NEB: variants seen among roughly 807,000 people sequenced by gnomAD.
NEB encodes the protein nebulin.
NEB carries 512 observed loss-of-function variants against 952.2 expected under a neutral mutation model. That is an observed-to-expected ratio of 0.54 (90% CI 0.50 to 0.58). NEB has a LOEUF of 0.58. NEB is among the 20% of genes least tolerant of loss of function. The probability of loss-of-function intolerance (pLI) is 0.00; values close to 1 mark genes in which losing one functional copy is unlikely to be tolerated. For missense variants in NEB, 8,428 were observed against 9,231.1 expected (o/e 0.91, Z 3.56); for synonymous variants, 2,900 against 3,149.8 (o/e 0.92, Z 2.66).
At chr2:151,653,886 G>T in intron 52 of NEB, 106 bp downstream of exon 52, 1 of 660,720 alleles carries the variant, frequency 1.5e-6, no homozygotes, top group Non-Finnish European at 2.6e-6. Context: ...AATGAAGGAA[G>T]CATTATATTT....
At chr2:151,652,950 T>C (rs1434055972) in intron 52 of NEB, among the ~76,000 whole-genome samples, 3 of 152,226 alleles carry the variant, frequency 2.0e-5, no homozygotes, top group Non-Finnish European at 1.5e-5. Context: ...CCTCATTGAT[T>C]TATTTTAATA....
intron 113 of NEB, 103 bp from the exon 114 acceptor site, chr2:151,567,582 C>T: frequency 1.8e-6 from 2 of 1,129,032 alleles, no homozygotes; most frequent in South Asian, 4.0e-5. Context: ...AGCCCCCCAG[C>T]TTTTTGTTTG....
intron 121 of NEB, among the ~76,000 whole-genome samples, chr2:151,561,572 C>CTT (rs376827489): frequency 1.9e-4 from 25 of 133,718 alleles, no homozygotes; most frequent in African/African-American, 5.0e-4. Flanking sequence ...CAGCCCCTCA[C>CTT]TTTTTTTTTT....
At chr2:151,659,986 G>A (rs1434578601) in intron 46 of NEB, among the ~76,000 whole-genome samples, 1 of 152,138 alleles carries the variant, frequency 6.6e-6, no homozygotes, top group Admixed American at 6.5e-5. Flanking sequence ...CCTTGTGGTG[G>A]ACATGGAGAT....
rs772584927 is a variant in NEB at position 151,502,805 on chromosome 2, C to G, written c.23916G>C (p.Glu7972Asp). Residue 7972 changes from glutamate (E) to aspartate (D), a missense_variant, in exon 167 of 182, where the codon GAG becomes GAC. Glu to Asp is a conservative substitution (Grantham distance 45, BLOSUM62 2). Transcript: ENST00000397345. ...PEMERVKRNQ[E>D]NFSSILYKEN... The stretch of plus-strand genomic sequence containing the variant: ...CCCTAAGAAATACCGAGCTAAAGTT[C>G]TCTTGATTGCGTTTGACTCTCTCCA... 2.5e-6 allele frequency: 4 copies of G among 1,590,198 alleles called. No homozygotes were observed. The East Asian group carries it at 6.8e-5, about 27-fold the overall frequency.
chr2:151,552,908 G>A, intron 127 of NEB, 132 bp from the exon 128 acceptor site: 2 of 624,156 alleles, frequency 3.2e-6, no homozygotes, highest in South Asian at 2.0e-5. Context: ...AGACCGAGAT[G>A]CATTTGAATT....
chr2:151,705,576 A>G (rs2099702337), intron 13 of NEB, among the ~76,000 whole-genome samples: 1 of 152,224 alleles, frequency 6.6e-6, no homozygotes, highest in South Asian at 2.1e-4. Context: ...ATCACTGAGT[A>G]TCTACCCAAA....
intron 161 of NEB, among the ~76,000 whole-genome samples, chr2:151,509,242 C>T (rs1350381743): frequency 3.3e-5 from 5 of 152,114 alleles, no homozygotes; most frequent in Non-Finnish European, 1.5e-5. Flanking sequence ...CCAGATTTTT[C>T]GGAAGAAACG....
chr2:151,662,726 T>C (rs554404343), intron 45 of NEB, among the ~76,000 whole-genome samples: 43 of 152,312 alleles, frequency 2.8e-4, no homozygotes, highest in African/African-American at 1.0e-3. Flanking sequence ...TCCCCTTGGT[T>C]AACAGATGAC....
intron 30 of NEB, among the ~76,000 whole-genome samples, chr2:151,680,411 C>T (rs1023203868): frequency 2.0e-4 from 30 of 151,534 alleles, no homozygotes; most frequent in African/African-American, 7.0e-4. Context: ...TATAACTGCT[C>T]CCCATTTGAT....
chr2:151,660,495 GATATTGCATGTAACACAGCTATTTA>G (rs1197897507), intron 46 of NEB, among the ~76,000 whole-genome samples: 1 of 152,146 alleles, frequency 6.6e-6, no homozygotes, highest in African/African-American at 2.4e-5. Context: ...CTCCCTTACA[GATATTGCATGTAACACAGCTATTTA>G]ATATTTGCAA....
At chr2:151,546,218 G>T in intron 134 of NEB, 127 bp downstream of exon 134, 1 of 766,782 alleles carries the variant, frequency 1.3e-6, no homozygotes, top group Non-Finnish European at 2.1e-6. Context: ...GCTCAAGTGA[G>T]TTAATGATAA....
chr2:151,628,383 T>C (rs1183142464), intron 68 of NEB, among the ~76,000 whole-genome samples: 2 of 152,172 alleles, frequency 1.3e-5, no homozygotes, highest in Non-Finnish European at 2.9e-5. Flanking sequence ...CCTGCTCTGT[T>C]GGAGATCAAA....
At chr2:151,500,656 G>T (rs1351548232) in intron 168 of NEB, among the ~76,000 whole-genome samples, 4 of 148,764 alleles carry the variant, frequency 2.7e-5, no homozygotes, top group African/African-American at 9.9e-5. Flanking sequence ...GAGTACAGTG[G>T]CACAATCACG....
chr2:151,716,938 T>C (rs1363003320), intron 10 of NEB, among the ~76,000 whole-genome samples: 1 of 152,264 alleles, frequency 6.6e-6, no homozygotes, highest in Non-Finnish European at 1.5e-5. Flanking sequence ...ATAGGTAGAC[T>C]AAGCTGTTTG....
rs760157245 is a variant in NEB at position 151,678,160 on chromosome 2, C to T, written c.3283G>A (p.Ala1095Thr). 1 of 1,610,138 alleles carries T rather than the reference C, an allele frequency of 6.2e-7. No individual in the cohort carries two copies. Among genetic ancestry groups the T allele is most frequent in the Non-Finnish European group, 8.5e-7 (1 of 1,177,956 alleles). ...TGGAAGCCAACCATTTTCCCTTTAG[C>T]CTTTTCATAGTCTTTTTTGTACTGA... is the stretch of plus-strand genomic sequence containing the variant. ...DVQYKKDYEK[A>T]KGKMVGFQSL... Residue 1095 changes from alanine to threonine, a missense_variant, in exon 33 of 182, where the codon GCT becomes ACT. Coordinates refer to ENST00000397345, the MANE Select transcript of NEB (RefSeq NM_001164508.2).
intron 124 of NEB, among the ~76,000 whole-genome samples, chr2:151,555,695 G>A (rs540029025): frequency 6.6e-6 from 1 of 152,168 alleles, no homozygotes; most frequent in South Asian, 2.1e-4. Context: ...TCAGCGATTT[G>A]CACCTCTGTA....
At chr2:151,710,013 T>C (rs563381877) in intron 11 of NEB, among the ~76,000 whole-genome samples, 56 of 152,162 alleles carry the variant, frequency 3.7e-4, no homozygotes, top group Non-Finnish European at 5.1e-4. Flanking sequence ...AAAGATCTCT[T>C]AAGGGCCAGG....
chr2:151,629,294 T>C (rs991075236), intron 68 of NEB, among the ~76,000 whole-genome samples: 6 of 152,186 alleles, frequency 3.9e-5, no homozygotes, highest in African/African-American at 1.4e-4. Context: ...TAGAATCACA[T>C]CCAATTTTAT....
Sources: gnomAD v4.1 joint callset for allele counts (sites outside exome capture counted in the v4.1 genomes callset) on GRCh38, gnomAD v4.1.1 for gene constraint, MANE v1.5 for transcripts, NCBI Gene and HGNC (gene_info 2026-07-23, HGNC 2026-07-21) for gene names.